Variants in RYR3 observed in about 807,000 individuals in gnomAD.
RYR3 encodes ryanodine receptor 3.
RYR3 carries 207 observed loss-of-function variants against 584.3 expected under a neutral mutation model. The ratio of observed to expected loss-of-function variants is 0.35; its 90% CI spans 0.32 to 0.40. The LOEUF is 0.40. RYR3 is among the 10% of genes least tolerant of loss of function. The pLI is 1.00. For synonymous variants in RYR3, 2,416 were observed against 2,248.5 expected (o/e 1.07, Z -2.11); for missense variants, 5,616 against 6,089.2 (o/e 0.92, Z 2.59).
Position 33,859,486 on chromosome 15 carries a change from A to G in RYR3, c.14143-89A>G, listed in dbSNP as rs901253205. On this transcript the variant is annotated intron_variant, in intron 99 of 103. Transcript: ENST00000634891. ...CCTCTCGTGGCTTAGGGCTGCCACA[A>G]TCTGACCGAATCATATGAATGATCT... is the stretch of plus-strand genomic sequence containing the variant. 6 of 1,486,428 alleles carry G rather than the reference A, an allele frequency of 4.0e-6. No individual in the cohort carries two copies. The Admixed American group carries it at 8.7e-5, about 22-fold the overall frequency. 92.1% of individuals were successfully genotyped at this position (1,486,428 alleles called of 1,614,324 possible). A position where few individuals can be genotyped will look rare whatever the true frequency, so the allele number is the denominator to read the frequency against.
At chr15:33,811,378 G>A (rs991215370) in intron 72 of RYR3, among the ~76,000 whole-genome samples, 7 of 151,910 alleles carry the variant, frequency 4.6e-5, no homozygotes, top group Non-Finnish European at 4.4e-5. Context: ...GGTGGCGGGC[G>A]CCTGTAGTCT....
chr15:33,555,096 A>T (rs565242723), intron 10 of RYR3, among the ~76,000 whole-genome samples: 1 of 152,372 alleles, frequency 6.6e-6, no homozygotes, highest in Admixed American at 6.5e-5. Flanking sequence ...GTATAAAAAC[A>T]TTAAATTCAG....
At chr15:33,450,369 C>T (rs1306190529) in intron 1 of RYR3, among the ~76,000 whole-genome samples, 1 of 152,122 alleles carries the variant, frequency 6.6e-6, no homozygotes, top group Non-Finnish European at 1.5e-5. Flanking sequence ...GCAGAGAGGG[C>T]AGGGACTGGA....
At chr15:33,801,514 A>G (rs2075916848) in intron 68 of RYR3, among the ~76,000 whole-genome samples, 1 of 152,182 alleles carries the variant, frequency 6.6e-6, no homozygotes, top group African/African-American at 2.4e-5. Flanking sequence ...AAATAAATAC[A>G]TTTTGGGGTC....
chr15:33,392,613 C>T (rs74854351), intron 1 of RYR3, among the ~76,000 whole-genome samples: 1,660 of 152,240 alleles, frequency 0.011, 17 homozygotes, highest in Non-Finnish European at 0.016. Context: ...CTCCCTGCAT[C>T]ATTAACTCTC....
intron 1 of RYR3, among the ~76,000 whole-genome samples, chr15:33,349,743 C>G (rs1329364438): frequency 2.0e-5 from 2 of 102,144 alleles, no homozygotes; most frequent in Admixed American, 1.1e-4. Context: ...ATCCCTCCCC[C>G]CTCCCCCCAC....
chr15:33,653,650 A>G (rs549110378), intron 32 of RYR3, among the ~76,000 whole-genome samples: 10 of 150,588 alleles, frequency 6.6e-5, no homozygotes, highest in Non-Finnish European at 1.3e-4. Flanking sequence ...AGCCTGGGCA[A>G]CAAAGCAAGA....
Position 33,726,376 on chromosome 15 carries a change from T to C in RYR3, c.6913-10T>C. ...ACTTATCTAATGTCATTCTCAACCCTATCTTCCAGCTCATCCAGACAGGAA... is the reference window on the plus strand; with the variant it reads ...ACTTATCTAATGTCATTCTCAACCCCATCTTCCAGCTCATCCAGACAGGAA... On this transcript the variant is annotated splice_polypyrimidine_tract_variant and intron_variant, in intron 45 of 103. Transcript: ENST00000634891. 6.2e-7 allele frequency: 1 copy of C among 1,612,944 alleles called. No individual in the cohort carries two copies. Among genetic ancestry groups the C allele is most frequent in the East Asian group, 2.2e-5 (1 of 44,840 alleles).
intron 20 of RYR3, 62 bp from the exon 21 acceptor site, chr15:33,628,409 C>T: frequency 1.6e-6 from 2 of 1,221,428 alleles, no homozygotes; most frequent in Non-Finnish European, 2.4e-6. Context: ...TGCCCAGCTC[C>T]TATAGATTTT....
intron 1 of RYR3, among the ~76,000 whole-genome samples, chr15:33,453,668 T>C (rs1275945372): frequency 6.6e-6 from 1 of 152,142 alleles, no homozygotes; most frequent in Non-Finnish European, 1.5e-5. Context: ...GCATGTGGAG[T>C]TGCATCGTCT....
In RYR3 at chr15:33,580,164, G is replaced by C; in HGVS notation, c.1437+20G>C. 1 of 1,566,214 alleles carries C rather than the reference G, an allele frequency of 6.4e-7. No homozygotes were observed. On this transcript the variant is annotated intron_variant, in intron 13 of 103. Transcript: ENST00000634891. ...GAAGAGGTAAGTCGAAAAATGAAAA[G>C]TTGAAATTCACTTAGTGTCCAGAGC...
In RYR3 at chr15:33,864,728, A is replaced by ACAGTTCACTCATTCAATGGGAGAGGTACC. The variant is rs1597147649; in HGVS notation, c.14518-402_14518-374dup. On this transcript the variant is annotated intron_variant, in intron 103 of 103. Transcript: ENST00000634891. ...ATCATTGGCTTTGTAGGAAAACTTT[A>ACAGTTCACTCATTCAATGGGAGAGGTACC]CAGTTCACTCATTCAATGGGAGAGG... 5 of 187,502 alleles carry ACAGTTCACTCATTCAATGGGAGAGGTACC rather than the reference A, an allele frequency of 2.7e-5. No individual in the cohort carries two copies. The East Asian group carries it at 6.9e-4, about 26-fold the overall frequency. The allele number at this position is 187,502 out of a possible 1,614,324, so 11.6% of individuals were successfully genotyped here.
intron 43 of RYR3, among the ~76,000 whole-genome samples, chr15:33,719,318 G>A (rs184428351): frequency 2.2e-4 from 33 of 152,246 alleles, no homozygotes; most frequent in Non-Finnish European, 3.7e-4. Flanking sequence ...AATTTCAATC[G>A]CAAGCTCAAC....
chr15:33,562,884 C>T lies in RYR3; in HGVS notation c.1020C>T (p.Gly340=). Residue 340 remains glycine (G), a synonymous_variant, in exon 11 of 104, where the codon GGC becomes GGT. Transcript: ENST00000634891. ...LDSSHKRDIE[G]MGVPEIKYGD... ...CCAGTCACAAGCGAGACATAGAAGGCATGGGAGTTCCAGAAATCAAGTATG... is the reference window on the plus strand; with the variant it reads ...CCAGTCACAAGCGAGACATAGAAGGTATGGGAGTTCCAGAAATCAAGTATG... The T allele has an allele frequency of 6.2e-7, 1 of 1,613,204 alleles. No individual in the cohort carries two copies. Among genetic ancestry groups the T allele is most frequent in the Non-Finnish European group, 8.5e-7 (1 of 1,179,232 alleles).
At chr15:33,639,663 A>G (rs1425208562) in intron 27 of RYR3, among the ~76,000 whole-genome samples, 2 of 152,108 alleles carry the variant, frequency 1.3e-5, no homozygotes, top group African/African-American at 4.8e-5. Flanking sequence ...GGGCCATGGG[A>G]AGCCTTTTGC....
At chr15:33,624,330 A>T (rs916592227) in intron 20 of RYR3, among the ~76,000 whole-genome samples, 20 of 151,508 alleles carry the variant, frequency 1.3e-4, no homozygotes, top group Admixed American at 3.3e-4. Flanking sequence ...TTATTTTTTT[A>T]AAAGGCCAAA....
chr15:33,777,362 A>G (rs2074062505), intron 64 of RYR3, among the ~76,000 whole-genome samples: 1 of 152,218 alleles, frequency 6.6e-6, no homozygotes, highest in Non-Finnish European at 1.5e-5. Context: ...GTCTTTGCCT[A>G]GCTCAATCCC....
chr15:33,495,180 G>A (rs2051307137), intron 2 of RYR3, among the ~76,000 whole-genome samples: 1 of 152,174 alleles, frequency 6.6e-6, no homozygotes, highest in Non-Finnish European at 1.5e-5. Flanking sequence ...TTCCAAAATA[G>A]AGAATGCTTT....
chr15:33,759,749 A>G (rs1283515751), intron 60 of RYR3, among the ~76,000 whole-genome samples: 1 of 152,212 alleles, frequency 6.6e-6, no homozygotes. Flanking sequence ...GAACTCCCCT[A>G]ACCTAACAAG....
Sources: gnomAD v4.1 joint callset for allele counts (sites outside exome capture counted in the v4.1 genomes callset) on GRCh38, gnomAD v4.1.1 for gene constraint, MANE v1.5 for transcripts, NCBI Gene and HGNC (gene_info 2026-07-23, HGNC 2026-07-21) for gene names.